The following GOSR1 variants were observed in gnomAD, a reference collection of about 807,000 sequenced individuals.
The protein encoded by GOSR1 is golgi SNAP receptor complex member 1.
GOSR1 carries 21 observed loss-of-function variants against 35.5 expected under a neutral mutation model. The ratio of observed to expected loss-of-function variants is 0.59; its 90% CI spans 0.42 to 0.85. The LOEUF (loss-of-function observed/expected upper bound fraction) is 0.85. Among genes scored for constraint, GOSR1 ranks in the 40% least tolerant of loss-of-function variants. The pLI is 0.00. For synonymous variants in GOSR1, 94 were observed against 106.6 expected (o/e 0.88, Z 0.73); for missense variants, 285 against 309.6 (o/e 0.92, Z 0.60).
intron 1 of GOSR1, chr17:30,477,755 G>C: frequency 2.0e-6 from 2 of 984,026 alleles, no homozygotes; most frequent in South Asian, 9.4e-5. Context: ...GAATTGTGTT[G>C]AGGGAGTAAT....
chr17:30,509,038 C>A (rs1967516809), intron 6 of GOSR1, among the ~76,000 whole-genome samples: 1 of 152,026 alleles, frequency 6.6e-6, no homozygotes, highest in Non-Finnish European at 1.5e-5. Flanking sequence ...TGCAGTGGCG[C>A]AATCTCGGCT....
chr17:30,506,287 G>A (rs1967400245), intron 6 of GOSR1, among the ~76,000 whole-genome samples: 1 of 152,214 alleles, frequency 6.6e-6, no homozygotes, highest in African/African-American at 2.4e-5. Context: ...CGTTAGCCAA[G>A]TTGTGAAAGC....
intron 7 of GOSR1, among the ~76,000 whole-genome samples, chr17:30,511,322 C>T (rs1449486566): frequency 6.6e-6 from 1 of 152,120 alleles, no homozygotes; most frequent in African/African-American, 2.4e-5. Context: ...TCTGTAATAA[C>T]ATTGAACTAG....
intron 6 of GOSR1, among the ~76,000 whole-genome samples, chr17:30,496,249 T>G (rs1418932330): frequency 1.1e-4 from 17 of 152,176 alleles, no homozygotes. Context: ...TGTCTCTGGT[T>G]TACACCTGCT....
At chr17:30,518,861 T>C (rs1229329095) in intron 7 of GOSR1, among the ~76,000 whole-genome samples, 1 of 152,052 alleles carries the variant, frequency 6.6e-6, no homozygotes, top group Non-Finnish European at 1.5e-5. Context: ...GAGGATTGCT[T>C]GAGCCCAGGG....
intron 5 of GOSR1, 68 bp downstream of exon 5, chr17:30,490,285 T>C: frequency 1.3e-6 from 1 of 744,138 alleles, no homozygotes; most frequent in Non-Finnish European, 2.4e-6. Context: ...TGTTCACGGT[T>C]AATTGCAAAT....
At chr17:30,481,041 C>T (rs1914309889) in intron 1 of GOSR1, 102 bp from the exon 2 acceptor site, 1 of 757,546 alleles carries the variant, frequency 1.3e-6, no homozygotes, top group Non-Finnish European at 2.3e-6. Context: ...GTAACAAGAT[C>T]AGTATATGAT....
intron 7 of GOSR1, among the ~76,000 whole-genome samples, chr17:30,513,510 A>G (rs1372855829): frequency 2.0e-5 from 3 of 152,218 alleles, no homozygotes; most frequent in Admixed American, 2.0e-4. Context: ...GTGGTACTGG[A>G]AATCATGCAT....
intron 3 of GOSR1, 135 bp from the exon 4 acceptor site, chr17:30,484,526 CTT>C (rs1464434212): frequency 5.1e-6 from 3 of 584,380 alleles, no homozygotes; most frequent in African/African-American, 2.7e-5. Context: ...TACTTGCTCT[CTT>C]GTTTGTTTTT....
rs1274018640 is a variant in GOSR1, at chr17:30,523,632, C to T, written c.*1254C>T. On this transcript the variant is annotated 3_prime_UTR_variant, in exon 9 of 9. Transcript: ENST00000451249. ...CCGTCCGGGAGGGAGGTGGGGGGCGCCTCTGCCCGGCCGCCCCTGCCCGGC... is the reference window on the plus strand; with the variant it reads ...CCGTCCGGGAGGGAGGTGGGGGGCGTCTCTGCCCGGCCGCCCCTGCCCGGC... 2 of 130,554 alleles carry T rather than the reference C, an allele frequency of 1.5e-5. No individual in the cohort carries two copies. The highest frequency in any genetic ancestry group is 5.5e-4 in the East Asian group (2 of 3,668). 8.1% of individuals were successfully genotyped at this position (130,554 alleles called of 1,614,324 possible). A position where few individuals can be genotyped will look rare whatever the true frequency, so the allele number is the denominator to read the frequency against.
At chr17:30,485,400 G>A (rs574967428) in intron 4 of GOSR1, among the ~76,000 whole-genome samples, 1 of 152,088 alleles carries the variant, frequency 6.6e-6, no homozygotes, top group South Asian at 2.1e-4. Flanking sequence ...CTGAGCATCT[G>A]GGACCACAAG....
chr17:30,520,150 A>G (rs1200145465), intron 8 of GOSR1, 129 bp downstream of exon 8: 2 of 657,410 alleles, frequency 3.0e-6, no homozygotes, highest in Non-Finnish European at 5.5e-6. Context: ...CATAATATGA[A>G]TATACTGTGC....
chr17:30,503,938 G>T (rs908024551), intron 6 of GOSR1, among the ~76,000 whole-genome samples: 2 of 152,030 alleles, frequency 1.3e-5, no homozygotes, highest in African/African-American at 4.8e-5. Flanking sequence ...ATGTGTAAGG[G>T]GACTTAAAAG....
chr17:30,508,553 C>A (rs1317271734), intron 6 of GOSR1, among the ~76,000 whole-genome samples: 1 of 152,158 alleles, frequency 6.6e-6, no homozygotes, highest in East Asian at 1.9e-4. Flanking sequence ...AGTGCCATAT[C>A]TTTGTAGCCA....
intron 7 of GOSR1, among the ~76,000 whole-genome samples, chr17:30,515,394 T>G (rs1967767150): frequency 6.6e-6 from 1 of 151,586 alleles, no homozygotes; most frequent in East Asian, 1.9e-4. Flanking sequence ...CATAGGGTGG[T>G]GACACTTGTT....
At chr17:30,495,042 G>A (rs1187292560) in intron 6 of GOSR1, among the ~76,000 whole-genome samples, 1 of 151,268 alleles carries the variant, frequency 6.6e-6, no homozygotes, top group Non-Finnish European at 1.5e-5. Flanking sequence ...ACAAAAATTA[G>A]CCGGGTATGG....
chr17:30,485,945 A>G (rs1014483562), intron 4 of GOSR1, among the ~76,000 whole-genome samples: 1 of 150,652 alleles, frequency 6.6e-6, no homozygotes, highest in Non-Finnish European at 1.5e-5. Flanking sequence ...GCTTGAACCC[A>G]GGAGGCGGAG....
intron 6 of GOSR1, among the ~76,000 whole-genome samples, chr17:30,497,753 A>C (rs1316584475): frequency 6.6e-6 from 1 of 152,176 alleles, no homozygotes; most frequent in East Asian, 1.9e-4. Flanking sequence ...CCTGACCCTG[A>C]TTGTCTATTA....
At chr17:30,520,186 T>C (rs889089352) in intron 8 of GOSR1, 165 bp downstream of exon 8, 4 of 511,244 alleles carry the variant, frequency 7.8e-6, no homozygotes, top group Non-Finnish European at 1.4e-5. Context: ...AAGTTTATGC[T>C]CTTTAGTACC....
Sources: gnomAD v4.1 joint callset for allele counts (sites outside exome capture counted in the v4.1 genomes callset) on GRCh38, gnomAD v4.1.1 for gene constraint, MANE v1.5 for transcripts, NCBI Gene and HGNC (gene_info 2026-07-23, HGNC 2026-07-21) for gene names.